The following TMEM44 variants were observed in gnomAD, a reference collection of about 807,000 sequenced individuals.
TMEM44 encodes transmembrane protein 44.
TMEM44 carries 43 observed loss-of-function variants against 47.8 expected under a neutral mutation model. The observed-to-expected ratio is 0.90, with a 90% CI of 0.70 to 1.16. TMEM44 has a LOEUF of 1.16. TMEM44 is among the 50% of genes most tolerant of loss of function. The pLI is 0.00. For synonymous variants in TMEM44, 277 were observed against 238.8 expected (o/e 1.16, Z -1.48); for missense variants, 568 against 555.2 (o/e 1.02, Z -0.23).
rs1034360553 is a variant in TMEM44, at chr3:194,618,508, C to A, written c.613-1239G>T. On this transcript the variant is annotated intron_variant, in intron 5 of 9. Coordinates refer to ENST00000347147, the MANE Select transcript of TMEM44 (RefSeq NM_001011655.3). ...TTCATTAGATGAGTTCATATATATA[C>A]AAATTATATTTATATAATTTAGTTT... 4.1e-5 allele frequency among the ~76,000 whole-genome samples: 6 copies of A among 147,292 alleles called. No individual in the cohort carries two copies. In the East Asian group the frequency reaches 1.2e-3, roughly 29 times the overall value.
chr3:194,601,436 C>T (rs903272054), intron 9 of TMEM44, among the ~76,000 whole-genome samples: 1 of 152,142 alleles, frequency 6.6e-6, no homozygotes, highest in Non-Finnish European at 1.5e-5. Flanking sequence ...TCCCAAGTAG[C>T]TGGGATTACA....
intron 6 of TMEM44, among the ~76,000 whole-genome samples, chr3:194,616,272 A>G (rs1248495377): frequency 1.3e-5 from 2 of 152,064 alleles, no homozygotes; most frequent in African/African-American, 2.4e-5. Flanking sequence ...GGCTGGTCTC[A>G]AACTCCTGAT....
chr3:194,590,567 T>C (rs1712537872), intron 9 of TMEM44, among the ~76,000 whole-genome samples: 1 of 152,174 alleles, frequency 6.6e-6, no homozygotes, highest in Non-Finnish European at 1.5e-5. Flanking sequence ...TCTCTGAGGA[T>C]GGTCAGTGTG....
At chr3:194,624,842 T>C (rs1424250820) in intron 3 of TMEM44, among the ~76,000 whole-genome samples, 1 of 152,006 alleles carries the variant, frequency 6.6e-6, no homozygotes, top group Non-Finnish European at 1.5e-5. Flanking sequence ...GCCTCCCAAA[T>C]AGCTGGGATT....
In TMEM44 at chr3:194,625,935, A is replaced by G; in HGVS notation, c.320T>C (p.Leu107Pro). The G allele has an allele frequency of 6.2e-7, 1 of 1,613,916 alleles. No homozygotes were observed. Among genetic ancestry groups the G allele is most frequent in the Non-Finnish European group, 8.5e-7 (1 of 1,179,820 alleles). Residue 107 changes from leucine (L) to proline (P), a missense_variant, in exon 3 of 10, where the codon CTC becomes CCC. Transcript: ENST00000347147. Reference protein sequence around the residue: ...AIDLVNFMFILFPVCGSKFKS... With the variant: ...AIDLVNFMFIPFPVCGSKFKS... ...GAATTTGGATCCACAGACTGGGAAG[A>G]GAATGAACATAAAGTTCACTAAGTC...
intron 3 of TMEM44, among the ~76,000 whole-genome samples, chr3:194,625,646 AGTTTTTGT>A: frequency 6.6e-6 from 1 of 152,000 alleles, no homozygotes; most frequent in Non-Finnish European, 1.5e-5. Flanking sequence ...ACACCCGGCT[AGTTTTTGT>A]ATTTTCAGTA....
In TMEM44 at chr3:194,626,010, G is replaced by C; in HGVS notation, c.265-20C>G. On this transcript the variant is annotated intron_variant, in intron 2 of 9. Coordinates refer to ENST00000347147, the MANE Select transcript of TMEM44 (RefSeq NM_001011655.3). Reference sequence around the variant, plus strand: ...GAAAACCTGGGAGCAAACGGGAAGAGAGTCTTGGCATTCAAGCATCTTTCC... The same window carrying C: ...GAAAACCTGGGAGCAAACGGGAAGACAGTCTTGGCATTCAAGCATCTTTCC... 6.3e-7 allele frequency: 1 copy of C among 1,578,054 alleles called. No homozygotes were observed. Among genetic ancestry groups the C allele is most frequent in the East Asian group, 2.2e-5 (1 of 44,664 alleles).
chr3:194,613,845 G>C (rs865872071), intron 7 of TMEM44, among the ~76,000 whole-genome samples: 1 of 151,530 alleles, frequency 6.6e-6, no homozygotes, highest in South Asian at 2.1e-4. Context: ...AGAATAGGCC[G>C]GGCCCGGTGG....
intron 7 of TMEM44, among the ~76,000 whole-genome samples, chr3:194,613,471 C>G (rs1168066976): frequency 6.6e-6 from 1 of 151,762 alleles, no homozygotes; most frequent in African/African-American, 2.4e-5. Context: ...AGGCACCATG[C>G]CTGGCTTAAT....
chr3:194,617,197 C>G lies in TMEM44; in HGVS notation c.685G>C (p.Ala229Pro). The G allele has an allele frequency of 6.5e-7, 1 of 1,545,566 alleles. No homozygotes were observed. The highest frequency in any genetic ancestry group is 2.4e-5 in the East Asian group (1 of 40,818). The change falls in exon 6 of 10, where the codon GCC (alanine) becomes CCC (proline). Residue 229 changes from alanine (A) to proline (P), a missense_variant. Coordinates refer to ENST00000347147, the MANE Select transcript of TMEM44 (RefSeq NM_001011655.3). ...TGGTCGTGGGCCACAATGGCCGAGGCATAGAGGAGGCCAGCCAGGGCCGAC... is the reference window on the plus strand; with the variant it reads ...TGGTCGTGGGCCACAATGGCCGAGGGATAGAGGAGGCCAGCCAGGGCCGAC... ...LLSALAGLLYASAIVAHDQHP... is the reference protein window; with the variant it reads ...LLSALAGLLYPSAIVAHDQHP...
rs1336617386 is a variant in TMEM44 at position 194,587,892 on chromosome 3, A to G, written c.*637T>C. ...TCACCTGCAAGCCCCGCCTCAGCGCACACCCTTGCCAGGTTGGAGGAAGTC... is the reference window on the plus strand; with the variant it reads ...TCACCTGCAAGCCCCGCCTCAGCGCGCACCCTTGCCAGGTTGGAGGAAGTC... On this transcript the variant is annotated 3_prime_UTR_variant, in exon 10 of 10. Coordinates refer to ENST00000347147, the MANE Select transcript of TMEM44 (RefSeq NM_001011655.3). 1 of 152,530 alleles carries G rather than the reference A, an allele frequency of 6.6e-6. No homozygotes were observed. Among genetic ancestry groups the G allele is most frequent in the East Asian group, 1.9e-4 (1 of 5,202 alleles). 9.4% of individuals were successfully genotyped at this position (152,530 alleles called of 1,614,324 possible).
In TMEM44 at chr3:194,633,063, C is replaced by T; in HGVS notation, c.137+16G>A. 1 of 1,546,932 alleles carries T rather than the reference C, an allele frequency of 6.5e-7. No homozygotes were observed. The highest frequency in any genetic ancestry group is 2.4e-5 in the East Asian group (1 of 40,858). On this transcript the variant is annotated intron_variant, in intron 1 of 9. Transcript: ENST00000347147. The stretch of plus-strand genomic sequence containing the variant: ...GTTTCCCCGCCCGACAGCCCCCCGA[C>T]CCGTGGCCCCATTACAGCGCGTGGG...
At chr3:194,595,894 G>A (rs1713346763) in intron 9 of TMEM44, among the ~76,000 whole-genome samples, 1 of 152,080 alleles carries the variant, frequency 6.6e-6, no homozygotes, top group Non-Finnish European at 1.5e-5. Context: ...CAAAGTGCTG[G>A]GATTACAAGC....
chr3:194,615,785 C>T, intron 6 of TMEM44, 88 bp from the exon 7 acceptor site: 1 of 1,527,854 alleles, frequency 6.5e-7, no homozygotes, highest in Non-Finnish European at 8.9e-7. Context: ...TGCCACCCCC[C>T]TCCCCACTCA....
At chr3:194,610,423 AAG>A (rs1404104428) in intron 8 of TMEM44, among the ~76,000 whole-genome samples, 1 of 152,136 alleles carries the variant, frequency 6.6e-6, no homozygotes, top group Non-Finnish European at 1.5e-5. Flanking sequence ...ACTGCCTGAA[AAG>A]AGAGTACACA....
At chr3:194,607,616 G>A (rs1294307588) in intron 8 of TMEM44, among the ~76,000 whole-genome samples, 2 of 152,158 alleles carry the variant, frequency 1.3e-5, no homozygotes, top group African/African-American at 4.8e-5. Context: ...TCACTTAACT[G>A]CTCCAGCCCC....
chr3:194,614,165 A>G (rs532557676), intron 7 of TMEM44, among the ~76,000 whole-genome samples: 1 of 152,052 alleles, frequency 6.6e-6, no homozygotes, highest in Non-Finnish European at 1.5e-5. Flanking sequence ...AACCAAAAAA[A>G]CCACAAGGAA....
intron 2 of TMEM44, among the ~76,000 whole-genome samples, chr3:194,628,054 C>T (rs1487816888): frequency 2.0e-5 from 3 of 152,190 alleles, no homozygotes; most frequent in African/African-American, 7.2e-5. Flanking sequence ...CCCACCTCTT[C>T]CACCAGTGTT....
At chr3:194,603,724 G>T (rs1714423938) in intron 9 of TMEM44, among the ~76,000 whole-genome samples, 1 of 152,116 alleles carries the variant, frequency 6.6e-6, no homozygotes, top group Non-Finnish European at 1.5e-5. Flanking sequence ...AAAATGTATT[G>T]TTCATTCATT....
Sources: gnomAD v4.1 joint callset for allele counts (sites outside exome capture counted in the v4.1 genomes callset) on GRCh38, gnomAD v4.1.1 for gene constraint, MANE v1.5 for transcripts, NCBI Gene and HGNC (gene_info 2026-07-23, HGNC 2026-07-21) for gene names.